The following DCBLD2 variants were observed in gnomAD, a reference collection of about 807,000 sequenced individuals.
DCBLD2 encodes the protein discoidin, CUB and LCCL domain containing 2, also known as discoidin, CUB and LCCL domain-containing protein 2.
In DCBLD2, 54 loss-of-function variants were observed where a neutral mutation model predicts 86.8. The ratio of observed to expected loss-of-function variants is 0.62; its 90% CI spans 0.50 to 0.78. The LOEUF (loss-of-function observed/expected upper bound fraction) is 0.78, where lower values mean the gene tolerates loss of function less well. DCBLD2 is among the 30% of genes least tolerant of loss of function. The pLI is 0.00. For missense variants in DCBLD2, 908 were observed against 954.2 expected (o/e 0.95, Z 0.64); for synonymous variants, 354 against 341.3 (o/e 1.04, Z -0.41).
At chr3:98,881,905 A>T in intron 1 of DCBLD2, 138 bp from the exon 2 acceptor site, 1 of 835,190 alleles carries the variant, frequency 1.2e-6, no homozygotes, top group South Asian at 1.9e-5. Context: ...TATTTTTTTT[A>T]ATGGACAAAT....
rs538700541 is a variant in DCBLD2 at position 98,797,488 on chromosome 3, C to T, written c.*1884G>A. 1 of 152,698 alleles carries T rather than the reference C, an allele frequency of 6.5e-6. No homozygotes were observed. The highest frequency in any genetic ancestry group is 1.9e-4 in the East Asian group (1 of 5,184). The allele number at this position is 152,698 out of a possible 1,614,324, so 9.5% of individuals were successfully genotyped here. On this transcript the variant is annotated 3_prime_UTR_variant, in exon 16 of 16. Transcript: ENST00000326840. ...ATGAATTAAAAAATCAACTGGTTTG[C>T]TCTCTTCCCACCTGAAAAGGGATGA...
At position 98,886,799 on chromosome 3, in the gene DCBLD2, A is replaced by ACC. The variant is rs1483063834; in HGVS notation, c.206-5033_206-5032insGG. 2.7e-3 allele frequency among the ~76,000 whole-genome samples: 275 copies of ACC among 102,296 alleles called. 2 individuals are homozygous for ACC. In the South Asian group the frequency reaches 0.032, roughly 12 times the overall value. The allele number at this position is 102,296 out of a possible 152,430, so 67.1% of individuals were successfully genotyped here. ...ACAAATTTTGATATTATTACAGGAA[A>ACC]ACCCCCCCCCTTTTTTTTTTTTTTT... is the stretch of plus-strand genomic sequence containing the variant. On this transcript the variant is annotated intron_variant, in intron 1 of 15. Coordinates refer to ENST00000326840, the MANE Select transcript of DCBLD2 (RefSeq NM_080927.4).
rs369060378 is a variant in DCBLD2, at chr3:98,868,859, A to C, written c.433+12681T>G. On this transcript the variant is annotated intron_variant, in intron 2 of 15. Transcript: ENST00000326840. ...TATATATATAACATTTTCTTTATCCACTCATTGGTTTGATGGACTCTTAGG... is the reference window on the plus strand; with the variant it reads ...TATATATATAACATTTTCTTTATCCCCTCATTGGTTTGATGGACTCTTAGG... Among the ~76,000 whole-genome samples, 4 of 151,772 alleles carry C rather than the reference A, an allele frequency of 2.6e-5. No homozygotes were observed. The East Asian group carries it at 5.8e-4, about 22-fold the overall frequency.
At chr3:98,869,511 C>T (rs996199714) in intron 2 of DCBLD2, among the ~76,000 whole-genome samples, 4 of 152,118 alleles carry the variant, frequency 2.6e-5, no homozygotes, top group African/African-American at 9.7e-5. Context: ...TCTGCCTACG[C>T]CAATATCCAG....
At position 98,839,175 on chromosome 3, in the gene DCBLD2, T is replaced by TTCCTTC. The variant is rs1553727063; in HGVS notation, c.571+10285_571+10286insGAAGGA. On this transcript the variant is annotated intron_variant, in intron 3 of 15. Coordinates refer to ENST00000326840, the MANE Select transcript of DCBLD2 (RefSeq NM_080927.4). ...TCTTTCTTTCTTTCTTTCTTTCCTT[T>TTCCTTC]CTTTCTTCCTTCCTTCCTTCCTTCC... Among the ~76,000 whole-genome samples, 26 of 101,622 alleles carry TTCCTTC rather than the reference T, an allele frequency of 2.6e-4. No homozygotes were observed. The East Asian group carries it at 5.4e-3, about 21-fold the overall frequency. 66.7% of individuals were successfully genotyped at this position (101,622 alleles called of 152,430 possible).
Position 98,819,380 on chromosome 3 carries a change from G to A in DCBLD2, c.909C>T (p.Ile303=), listed in dbSNP as rs761152287. Residue 303 remains isoleucine, a synonymous_variant, in exon 8 of 16, where the codon ATC becomes ATT. Transcript: ENST00000326840. ...ATGATGCTGTTATTTGAGGATCCGC[G>A]ATCACACCAGACTCCATCCCCAGTG... ...YGTLGMESGV[I]ADPQITASSV... The A allele has an allele frequency of 6.8e-6, 11 of 1,613,676 alleles. No homozygotes were observed. The highest frequency in any genetic ancestry group is 1.7e-4 in the Middle Eastern group (1 of 6,054).
chr3:98,899,756 T>C (rs1216274520), intron 1 of DCBLD2, among the ~76,000 whole-genome samples: 1 of 152,154 alleles, frequency 6.6e-6, no homozygotes, highest in Non-Finnish European at 1.5e-5. Flanking sequence ...GTCCTTACGT[T>C]TGAACTGGGA....
At chr3:98,846,578 C>CA (rs1444609738) in intron 3 of DCBLD2, among the ~76,000 whole-genome samples, 1 of 152,048 alleles carries the variant, frequency 6.6e-6, no homozygotes, top group Non-Finnish European at 1.5e-5. Context: ...TAAAGACAGG[C>CA]AAAAAATAAT....
chr3:98,871,781 G>A (rs1441204645), intron 2 of DCBLD2, among the ~76,000 whole-genome samples: 1 of 152,104 alleles, frequency 6.6e-6, no homozygotes, highest in Non-Finnish European at 1.5e-5. Flanking sequence ...GGGTGATACC[G>A]GGTTCATAGA....
intron 1 of DCBLD2, among the ~76,000 whole-genome samples, chr3:98,894,128 C>T (rs1339743255): frequency 1.3e-5 from 2 of 152,124 alleles, no homozygotes; most frequent in African/African-American, 4.8e-5. Context: ...GAAGAGATAA[C>T]CAAACCTAGT....
chr3:98,801,810 G>A, intron 13 of DCBLD2, 161 bp from the exon 14 acceptor site: 1 of 519,412 alleles, frequency 1.9e-6, no homozygotes, highest in Non-Finnish European at 3.4e-6. Flanking sequence ...GCGGTGTTTG[G>A]TTTTTTGTCC....
intron 2 of DCBLD2, among the ~76,000 whole-genome samples, chr3:98,856,787 A>G (rs997600022): frequency 1.3e-5 from 2 of 152,230 alleles, no homozygotes; most frequent in Non-Finnish European, 2.9e-5. Flanking sequence ...AAGACATTAT[A>G]AAGTGCACAA....
intron 1 of DCBLD2, among the ~76,000 whole-genome samples, chr3:98,896,272 G>A (rs1009939732): frequency 6.6e-6 from 1 of 152,152 alleles, no homozygotes; most frequent in Non-Finnish European, 1.5e-5. Context: ...GTCCTCATAG[G>A]TTGTACTAAT....
At chr3:98,805,093 T>A (rs1866678) in intron 13 of DCBLD2, 52,787 of 152,126 alleles carry the variant, frequency 0.35, 9,305 homozygotes, top group Non-Finnish European at 0.38. Context: ...ACCACAAATG[T>A]GGTTTTCATA....
chr3:98,886,140 T>G (rs1325388621), intron 1 of DCBLD2, among the ~76,000 whole-genome samples: 1 of 151,892 alleles, frequency 6.6e-6, no homozygotes, highest in African/African-American at 2.4e-5. Flanking sequence ...GATCAGCAGT[T>G]ATACTAAAGA....
intron 2 of DCBLD2, among the ~76,000 whole-genome samples, chr3:98,867,031 A>T (rs1489062567): frequency 6.6e-6 from 1 of 151,988 alleles, no homozygotes. Context: ...GTGTGGTATT[A>T]TTTCTGAGGG....
intron 3 of DCBLD2, among the ~76,000 whole-genome samples, chr3:98,831,069 ATT>A (rs760252040): frequency 3.5e-5 from 5 of 142,166 alleles, no homozygotes; most frequent in Admixed American, 1.4e-4. Flanking sequence ...AATGCTAGTA[ATT>A]TTTTTTTTTT....
intron 1 of DCBLD2, among the ~76,000 whole-genome samples, chr3:98,900,212 G>A (rs184103831): frequency 6.6e-6 from 1 of 152,086 alleles, no homozygotes; most frequent in African/African-American, 2.4e-5. Flanking sequence ...TAAAGGCAGA[G>A]AACAATTTTC....
At chr3:98,802,312 A>G (rs571776723) in intron 13 of DCBLD2, among the ~76,000 whole-genome samples, 139 of 152,194 alleles carry the variant, frequency 9.1e-4, no homozygotes, top group African/African-American at 2.9e-3. Flanking sequence ...GCCAGTGATG[A>G]TGAGCATTTT....
Sources: allele counts gnomAD v4.1 joint callset (sites outside exome capture counted in the v4.1 genomes callset), GRCh38; gene constraint gnomAD v4.1.1; transcripts MANE v1.5; gene names NCBI Gene and HGNC (gene_info 2026-07-23, HGNC 2026-07-21).